The following STXBP5L variants were observed in gnomAD, a reference collection of about 807,000 sequenced individuals.
STXBP5L encodes syntaxin binding protein 5L, also known as syntaxin-binding protein 5-like.
Under a neutral mutation model 144.5 loss-of-function variants are expected in STXBP5L, and 65 were observed. The observed-to-expected ratio is 0.45, with a 90% CI of 0.37 to 0.55. The LOEUF (loss-of-function observed/expected upper bound fraction) is 0.55, where lower values mean the gene tolerates loss of function less well. Ranked by LOEUF, STXBP5L falls within the 20% of genes least tolerant of loss-of-function variation. The probability of loss-of-function intolerance (pLI) is 0.00; values close to 1 mark genes in which losing one functional copy is unlikely to be tolerated. For missense variants in STXBP5L, 1,298 were observed against 1,405.5 expected, an observed-to-expected ratio of 0.92 and a Z score of 1.22; for synonymous variants, 505 against 469.6, an observed-to-expected ratio of 1.08 and a Z score of -0.97.
At chr3:121,181,581 A>C (rs2108108350) in intron 9 of STXBP5L, among the ~76,000 whole-genome samples, 1 of 152,252 alleles carries the variant, frequency 6.6e-6, no homozygotes, top group South Asian at 2.1e-4. Context: ...TAAAAATGCA[A>C]AAATTAGCTG....
intron 5 of STXBP5L, among the ~76,000 whole-genome samples, chr3:121,113,475 G>A (rs1378036799): frequency 6.6e-6 from 1 of 151,882 alleles, no homozygotes. Flanking sequence ...CATCATATAG[G>A]CTACACAATT....
intron 5 of STXBP5L, among the ~76,000 whole-genome samples, chr3:121,096,568 G>T (rs189495214): frequency 9.2e-5 from 14 of 152,192 alleles, no homozygotes; most frequent in African/African-American, 3.1e-4. Flanking sequence ...GTTTCTGTTT[G>T]TTAGTTTTTC....
intron 9 of STXBP5L, among the ~76,000 whole-genome samples, chr3:121,181,032 T>C (rs1013164829): frequency 1.3e-5 from 2 of 151,576 alleles, no homozygotes; most frequent in African/African-American, 4.9e-5. Context: ...AGTACTAACA[T>C]TGAATGTAAA....
intron 5 of STXBP5L, among the ~76,000 whole-genome samples, chr3:121,112,967 G>T (rs1047724152): frequency 6.6e-6 from 1 of 151,334 alleles, no homozygotes; most frequent in East Asian, 1.9e-4. Context: ...TACTCTTTTT[G>T]GGGGGGTTCA....
At chr3:121,236,650 C>T (rs1470460890) in intron 12 of STXBP5L, among the ~76,000 whole-genome samples, 4 of 152,138 alleles carry the variant, frequency 2.6e-5, no homozygotes, top group Non-Finnish European at 5.9e-5. Flanking sequence ...AAAGACATCC[C>T]GATCATAGCA....
chr3:121,364,231 C>T (rs956479003), intron 20 of STXBP5L, among the ~76,000 whole-genome samples: 2 of 152,144 alleles, frequency 1.3e-5, no homozygotes, highest in African/African-American at 4.8e-5. Flanking sequence ...ACTCAATGGG[C>T]TCAGTATCCT....
intron 3 of STXBP5L, among the ~76,000 whole-genome samples, chr3:120,973,866 A>T (rs1257929099): frequency 2.6e-5 from 4 of 152,218 alleles, no homozygotes; most frequent in Non-Finnish European, 5.9e-5. Context: ...TACAAAGGAC[A>T]TGAACTCATC....
chr3:121,038,131 T>G (rs1203215246), intron 3 of STXBP5L, among the ~76,000 whole-genome samples: 2 of 151,964 alleles, frequency 1.3e-5, no homozygotes, highest in Non-Finnish European at 2.9e-5. Flanking sequence ...GATCTGTTTC[T>G]ATTTTATTGA....
At chr3:121,175,926 C>G (rs559242027) in intron 9 of STXBP5L, among the ~76,000 whole-genome samples, 2 of 149,892 alleles carry the variant, frequency 1.3e-5, no homozygotes, top group South Asian at 4.2e-4. Context: ...CTAATTTCAA[C>G]AATGTAGATA....
chr3:121,380,351 A>G (rs1409746874), intron 21 of STXBP5L, among the ~76,000 whole-genome samples: 1 of 152,152 alleles, frequency 6.6e-6, no homozygotes, highest in African/African-American at 2.4e-5. Context: ...GTTTCCTAGA[A>G]AAAAGTCTGA....
chr3:120,978,715 G>C (rs970903201), intron 3 of STXBP5L, among the ~76,000 whole-genome samples: 5 of 152,162 alleles, frequency 3.3e-5, no homozygotes, highest in African/African-American at 1.2e-4. Context: ...ATGTACAGAT[G>C]GGTTTTGGTG....
rs539348442 is a variant in STXBP5L, at chr3:121,078,851, C to T, written c.470+33316C>T. On this transcript the variant is annotated intron_variant, in intron 5 of 26. Transcript: ENST00000471454. ...CAGGGCTGGCCGGCTGCTCTGAGTGCGGGGCCCGCCAAGCCCATGCCCACC... is the reference window on the plus strand; with the variant it reads ...CAGGGCTGGCCGGCTGCTCTGAGTGTGGGGCCCGCCAAGCCCATGCCCACC... Among the ~76,000 whole-genome samples the T allele has an allele frequency of 6.6e-5, 10 of 152,374 alleles. 1 individual carries two copies. Among genetic ancestry groups the T allele is most frequent in the East Asian group, 3.9e-4 (2 of 5,180 alleles).
intron 20 of STXBP5L, among the ~76,000 whole-genome samples, chr3:121,359,702 C>A (rs1382019669): frequency 6.6e-6 from 1 of 151,876 alleles, no homozygotes; most frequent in Non-Finnish European, 1.5e-5. Flanking sequence ...ATTGAAGATG[C>A]TGTCTTTTCT....
At position 120,975,730 on chromosome 3, in the gene STXBP5L, T is replaced by C. The variant is rs1294027930; in HGVS notation, c.287+20693T>C. Among the ~76,000 whole-genome samples, 6 of 152,190 alleles carry C rather than the reference T, an allele frequency of 3.9e-5. No homozygotes were observed. The East Asian group carries it at 1.2e-3, about 29-fold the overall frequency. On this transcript the variant is annotated intron_variant, in intron 3 of 26. Coordinates refer to ENST00000471454, the MANE Select transcript of STXBP5L (RefSeq NM_001308330.2). ...TGAGATACGTCCCATCAATACCTAATTTATTGAGAGTTTTTAGCATGAAGA... is the reference window on the plus strand; with the variant it reads ...TGAGATACGTCCCATCAATACCTAACTTATTGAGAGTTTTTAGCATGAAGA...
intron 5 of STXBP5L, among the ~76,000 whole-genome samples, chr3:121,054,032 C>A (rs1396199567): frequency 6.6e-6 from 1 of 152,070 alleles, no homozygotes; most frequent in Non-Finnish European, 1.5e-5. Flanking sequence ...AAATCAAAAC[C>A]ACAATGAGAT....
intron 5 of STXBP5L, among the ~76,000 whole-genome samples, chr3:121,105,373 C>CA (rs1308312779): frequency 7.3e-6 from 1 of 136,776 alleles, no homozygotes; most frequent in African/African-American, 3.0e-5. Flanking sequence ...TCCAGCCTGG[C>CA]AACAGAGTGA....
chr3:121,378,796 A>G lies in STXBP5L; in HGVS notation c.2257A>G (p.Lys753Glu). Residue 753 changes from lysine (K) to glutamate (E), a missense_variant, in exon 21 of 27, where the codon AAA becomes GAA. Coordinates refer to ENST00000471454, the MANE Select transcript of STXBP5L (RefSeq NM_001308330.2). ...ACGTCTTTCTAGTGCCGATGTTTCA[A>G]AAGTAAATCGCTGGGGTCCTGGAAG... is the stretch of plus-strand genomic sequence containing the variant. ...GKRLSSADVSKVNRWGPGRPP... is the reference protein window; with the variant it reads ...GKRLSSADVSEVNRWGPGRPP... The G allele has an allele frequency of 1.2e-6, 2 of 1,613,774 alleles. No individual in the cohort carries two copies. The highest frequency in any genetic ancestry group is 1.7e-6 in the Non-Finnish European group (2 of 1,179,850).
intron 2 of STXBP5L, among the ~76,000 whole-genome samples, chr3:120,915,277 T>C (rs571802236): frequency 6.6e-6 from 1 of 152,274 alleles, no homozygotes; most frequent in African/African-American, 2.4e-5. Context: ...TGCATTTCTG[T>C]AGATATTTCT....
intron 11 of STXBP5L, among the ~76,000 whole-genome samples, chr3:121,228,164 A>T (rs2049182806): frequency 6.6e-6 from 1 of 152,214 alleles, no homozygotes; most frequent in African/African-American, 2.4e-5. Flanking sequence ...AGCAATACAG[A>T]AAGTTACATG....
Sources: allele counts gnomAD v4.1 joint callset (sites outside exome capture counted in the v4.1 genomes callset), GRCh38; gene constraint gnomAD v4.1.1; transcripts MANE v1.5; gene names NCBI Gene and HGNC (gene_info 2026-07-23, HGNC 2026-07-21).